The following EDNRA variants were observed in gnomAD, a reference collection of about 807,000 sequenced individuals.
EDNRA encodes endothelin receptor type A.
EDNRA carries 11 observed loss-of-function variants against 41.4 expected under a neutral mutation model. The ratio of observed to expected loss-of-function variants is 0.27; its 90% CI spans 0.17 to 0.44. EDNRA has a LOEUF of 0.44. Among genes scored for constraint, EDNRA ranks in the 20% least tolerant of loss-of-function variants. The pLI, the probability that EDNRA is intolerant of heterozygous loss-of-function variation, is 1.00. For synonymous variants in EDNRA, 172 were observed against 183.0 expected, an observed-to-expected ratio of 0.94 and a Z score of 0.49; for missense variants, 294 against 531.0, an observed-to-expected ratio of 0.55 and a Z score of 4.39.
chr4:147,535,780 T>TG, intron 4 of EDNRA, 97 bp from the exon 5 acceptor site: 1 of 1,450,808 alleles, frequency 6.9e-7, no homozygotes, highest in Non-Finnish European at 9.3e-7. Context: ...CAGATGTATC[T>TG]GCAAGTTTAA....
chr4:147,539,022 A>G (rs1731009881), intron 5 of EDNRA, among the ~76,000 whole-genome samples: 1 of 152,142 alleles, frequency 6.6e-6, no homozygotes, highest in South Asian at 2.1e-4. Flanking sequence ...TTCCTAATTT[A>G]TAGATTTTCT....
At chr4:147,541,344 A>G in intron 7 of EDNRA, among the ~76,000 whole-genome samples, 1 of 152,150 alleles carries the variant, frequency 6.6e-6, no homozygotes, top group South Asian at 2.1e-4. Flanking sequence ...GGATTTTGTT[A>G]TCTTGGACCA....
chr4:147,536,705 G>C (rs571871730), intron 5 of EDNRA, among the ~76,000 whole-genome samples: 2 of 152,228 alleles, frequency 1.3e-5, no homozygotes, highest in Non-Finnish European at 2.9e-5. Flanking sequence ...ATGGGATCAT[G>C]TACATTAGAA....
intron 4 of EDNRA, 21 bp from the exon 5 acceptor site, chr4:147,535,856 T>TTTC (rs201021462): frequency 2.9e-5 from 45 of 1,538,376 alleles, no homozygotes; most frequent in Admixed American, 9.0e-5. Context: ...CTTTTCTCTT[T>TTTC]TTTTTTTTTT....
chr4:147,506,304 A>G, intron 2 of EDNRA: 2 of 455,218 alleles, frequency 4.4e-6, no homozygotes, highest in Non-Finnish European at 8.6e-6. Flanking sequence ...CCATATATGA[A>G]CAATATTTAC....
rs111474600 is a variant in EDNRA at position 147,542,112 on chromosome 4, T to C, written c.1144-366T>C. ...TGTTGTGAGGATCTGATAAGGTACC[T>C]GGTGCGGAGAGCCACACAGGTGGTG... On this transcript the variant is annotated intron_variant, in intron 7 of 7. Coordinates refer to ENST00000651419, the MANE Select transcript of EDNRA (RefSeq NM_001957.4). Among the ~76,000 whole-genome samples the C allele has an allele frequency of 2.9e-3, 444 of 152,252 alleles. 3 individuals are homozygous for C. The highest frequency in any genetic ancestry group is 0.01 in the African/African-American group (430 of 41,548).
chr4:147,525,687 G>A (rs570437703), intron 3 of EDNRA, among the ~76,000 whole-genome samples: 29 of 151,958 alleles, frequency 1.9e-4, no homozygotes, highest in Non-Finnish European at 2.5e-4. Context: ...ATGATGATGG[G>A]GTCAGACCAG....
At chr4:147,523,526 T>C (rs1036210982) in intron 3 of EDNRA, among the ~76,000 whole-genome samples, 24 of 150,340 alleles carry the variant, frequency 1.6e-4, no homozygotes, top group African/African-American at 4.9e-4. Flanking sequence ...AGTCTTGCTC[T>C]GTGGCCCAGG....
rs13306316 is a variant in EDNRA, at chr4:147,485,631, G to A, written c.-51G>A. On this transcript the variant is annotated 5_prime_UTR_variant, in exon 2 of 8. Transcript: ENST00000651419. The stretch of plus-strand genomic sequence containing the variant: ...TTTCAGGTGAAAAAAAAGTGAAGGT[G>A]TAAAAGCAGCACAAGTGCAATAAGA... 15 of 1,517,146 alleles carry A rather than the reference G, an allele frequency of 9.9e-6. 1 individual carries two copies. The East Asian group carries it at 3.2e-4, about 32-fold the overall frequency. 94.0% of individuals were successfully genotyped at this position (1,517,146 alleles called of 1,614,324 possible).
chr4:147,495,236 T>G (rs1034107152), intron 2 of EDNRA: 8 of 152,208 alleles, frequency 5.3e-5, no homozygotes, highest in Admixed American at 2.6e-4. Flanking sequence ...TCCCAGAGGC[T>G]GTGCTGTTAG....
At chr4:147,481,938 C>G (rs1031038252) in intron 1 of EDNRA, among the ~76,000 whole-genome samples, 5 of 152,152 alleles carry the variant, frequency 3.3e-5, no homozygotes, top group African/African-American at 9.7e-5. Flanking sequence ...TCTGTGCTCG[C>G]CTTTAAAGGA....
intron 2 of EDNRA, among the ~76,000 whole-genome samples, chr4:147,510,754 G>A (rs1394396618): frequency 3.9e-5 from 6 of 152,106 alleles, no homozygotes; most frequent in Non-Finnish European, 7.4e-5. Context: ...TCCAAGTTCT[G>A]ACATCCTTAA....
intron 1 of EDNRA, among the ~76,000 whole-genome samples, chr4:147,483,929 C>G (rs1190965352): frequency 1.3e-5 from 2 of 152,034 alleles, no homozygotes; most frequent in Non-Finnish European, 2.9e-5. Context: ...CTAAGTTGCC[C>G]AGGCTAGTTT....
intron 3 of EDNRA, among the ~76,000 whole-genome samples, chr4:147,531,253 C>T (rs1730728686): frequency 1.3e-5 from 2 of 152,046 alleles, no homozygotes; most frequent in African/African-American, 2.4e-5. Context: ...AGATTGTAAA[C>T]CCTAAAGATT....
chr4:147,511,784 T>C (rs968393624), intron 2 of EDNRA, among the ~76,000 whole-genome samples: 3 of 152,218 alleles, frequency 2.0e-5, no homozygotes, highest in African/African-American at 7.2e-5. Context: ...TAGAGACTGA[T>C]GATTAAAATC....
intron 2 of EDNRA, among the ~76,000 whole-genome samples, chr4:147,514,456 G>A (rs765144383): frequency 7.3e-6 from 1 of 136,232 alleles, no homozygotes; most frequent in Non-Finnish European, 1.6e-5. Flanking sequence ...GCCCCAACAC[G>A]ATTTTTTCTT....
chr4:147,540,398 C>T lies in EDNRA; in HGVS notation c.1056C>T (p.Tyr352=). Reference sequence around the variant, plus strand: ...CTAGTTTCTTACTGCTCATGGATTACATCGGTATTAACTTGGCAACCATGA... The same window carrying T: ...CTAGTTTCTTACTGCTCATGGATTATATCGGTATTAACTTGGCAACCATGA... ...ELLSFLLLMD[Y]IGINLATMNS... Residue 352 remains tyrosine (Y), a synonymous_variant, in exon 7 of 8, where the codon TAC becomes TAT. Coordinates refer to ENST00000651419, the MANE Select transcript of EDNRA (RefSeq NM_001957.4). 1.2e-6 allele frequency: 2 copies of T among 1,612,982 alleles called. No homozygotes were observed. The highest frequency in any genetic ancestry group is 1.7e-6 in the Non-Finnish European group (2 of 1,179,354).
intron 3 of EDNRA, among the ~76,000 whole-genome samples, chr4:147,522,075 C>A (rs1014228218): frequency 6.6e-5 from 10 of 152,088 alleles, no homozygotes; most frequent in Non-Finnish European, 7.4e-5. Context: ...AGGCTGAAAT[C>A]ACTTTGAATA....
intron 2 of EDNRA, among the ~76,000 whole-genome samples, chr4:147,501,989 T>G (rs972117356): frequency 1.3e-5 from 2 of 152,226 alleles, no homozygotes; most frequent in Non-Finnish European, 1.5e-5. Flanking sequence ...GAGTTCCTAT[T>G]TCCCCATTGC....
Sources: allele counts gnomAD v4.1 joint callset (sites outside exome capture counted in the v4.1 genomes callset), GRCh38; gene constraint gnomAD v4.1.1; transcripts MANE v1.5; gene names NCBI Gene and HGNC (gene_info 2026-07-23, HGNC 2026-07-21).